ANO1: variants seen among roughly 807,000 people sequenced by gnomAD.
ANO1 encodes anoctamin-1.
A neutral mutation model predicts 124.0 loss-of-function variants in ANO1; 59 were observed. The ratio of observed to expected loss-of-function variants is 0.48; its 90% CI spans 0.39 to 0.59. The LOEUF (loss-of-function observed/expected upper bound fraction) is 0.59. Among genes scored for constraint, ANO1 ranks in the 20% least tolerant of loss-of-function variants. The pLI, the probability that ANO1 is intolerant of heterozygous loss-of-function variation, is 0.00. For missense variants in ANO1, 1,059 were observed against 1,328.0 expected (o/e 0.80, Z 3.15); for synonymous variants, 529 against 532.0 (o/e 0.99, Z 0.08).
At chr11:70,123,668 C>A (rs2046382605) in intron 8 of ANO1, among the ~76,000 whole-genome samples, 1 of 152,218 alleles carries the variant, frequency 6.6e-6, no homozygotes, top group Non-Finnish European at 1.5e-5. Context: ...CTGAATCCTG[C>A]CTTCCCTGAG....
chr11:70,025,563 A>C (rs1185167146), intron 1 of ANO1, among the ~76,000 whole-genome samples: 3 of 151,214 alleles, frequency 2.0e-5, no homozygotes, highest in Non-Finnish European at 4.4e-5. Context: ...GATGACAATG[A>C]TGATGATGAT....
chr11:70,000,327 G>C (rs1273319225), intron 1 of ANO1, among the ~76,000 whole-genome samples: 1 of 151,630 alleles, frequency 6.6e-6, no homozygotes, highest in Non-Finnish European at 1.5e-5. Flanking sequence ...GGGCCGGGGG[G>C]GGATGCACAC....
chr11:70,006,663 CTTTTTTT>C (rs56851839), intron 1 of ANO1, among the ~76,000 whole-genome samples: 2 of 88,996 alleles, frequency 2.2e-5, no homozygotes, highest in South Asian at 4.3e-4. Context: ...TTTCTTCTTT[CTTTTTTT>C]TTTTTTTTTT....
At chr11:70,090,153 G>A (rs911041117) in intron 2 of ANO1, among the ~76,000 whole-genome samples, 13 of 152,202 alleles carry the variant, frequency 8.5e-5, no homozygotes, top group South Asian at 4.1e-4. Flanking sequence ...GACTACAGGC[G>A]CCCGCCGTCA....
intron 1 of ANO1, among the ~76,000 whole-genome samples, chr11:70,036,340 T>G (rs1019232628): frequency 9.2e-5 from 14 of 152,276 alleles, no homozygotes; most frequent in Middle Eastern, 3.4e-3. Flanking sequence ...TCCCTGGATT[T>G]GGGGGTCACT....
chr11:70,090,141 G>A (rs951739262), intron 2 of ANO1, among the ~76,000 whole-genome samples: 6 of 152,048 alleles, frequency 3.9e-5, no homozygotes, highest in African/African-American at 1.2e-4. Flanking sequence ...CTGCCTCAGC[G>A]GGACTACAGG....
chr11:70,149,504 A>T (rs1279073975), intron 11 of ANO1: 1 of 533,202 alleles, frequency 1.9e-6, no homozygotes, highest in Non-Finnish European at 3.4e-6. Flanking sequence ...TACAAAGATT[A>T]GCTGGGTGTG....
rs76163403 is a variant in ANO1, at chr11:70,126,542, C to T, written c.1097+347C>T. 7.1e-3 allele frequency among the ~76,000 whole-genome samples: 1,088 copies of T among 152,286 alleles called. 6 individuals carry two copies. The highest frequency in any genetic ancestry group is 0.017 in the Middle Eastern group (5 of 294). On this transcript the variant is annotated intron_variant, in intron 10 of 25. Coordinates refer to ENST00000355303, the MANE Select transcript of ANO1 (RefSeq NM_018043.7). The stretch of plus-strand genomic sequence containing the variant: ...AAAGTTTTCTGTTTCCTTGTGTGGC[C>T]GGGAGGTGAGGCATGAATGCTAGGG...
chr11:70,106,465 A>C (rs1785751517), intron 5 of ANO1, among the ~76,000 whole-genome samples: 1 of 152,206 alleles, frequency 6.6e-6, no homozygotes, highest in Admixed American at 6.5e-5. Context: ...GGGAGGAGAC[A>C]GTCAGGGTGA....
At chr11:69,994,097 T>C (rs1311789323) in intron 1 of ANO1, among the ~76,000 whole-genome samples, 3 of 43,114 alleles carry the variant, frequency 7.0e-5, no homozygotes, top group African/African-American at 1.5e-4. Context: ...CCCCAATTTG[T>C]CGTTAACCCC....
intron 6 of ANO1, among the ~76,000 whole-genome samples, chr11:70,109,545 T>G (rs763381621): frequency 2.0e-4 from 30 of 152,136 alleles, no homozygotes; most frequent in Admixed American, 3.3e-4. Flanking sequence ...ACGACTGCAG[T>G]GAGGTCAGGC....
intron 22 of ANO1, among the ~76,000 whole-genome samples, chr11:70,178,577 T>G (rs1330781833): frequency 6.6e-6 from 1 of 152,000 alleles, no homozygotes; most frequent in Non-Finnish European, 1.5e-5. Flanking sequence ...TTTTTTTTTT[T>G]TTTTGAGACA....
rs142509394 is a variant in ANO1, at chr11:69,989,240, A to C, written c.58+3074A>C. 5.3e-3 allele frequency among the ~76,000 whole-genome samples: 812 copies of C among 152,284 alleles called. 6 individuals carry two copies. The highest frequency in any genetic ancestry group is 7.8e-3 in the Non-Finnish European group (532 of 68,030). ...AGAGGCAGGATTTGAACTCCAAGCA[A>C]GCAAGCTGTTCATTTAATCATGGTG... On this transcript the variant is annotated intron_variant, in intron 1 of 27. Coordinates refer to the ANO1 transcript ENST00000531349.
At chr11:70,167,182 G>A in intron 20 of ANO1, 60 bp from the exon 21 acceptor site, 1 of 1,589,830 alleles carries the variant, frequency 6.3e-7, no homozygotes, top group Non-Finnish European at 8.6e-7. Flanking sequence ...AGAGGTGCCA[G>A]ACCCAAGCCC....
chr11:70,159,435 A>G (rs1323748838), intron 16 of ANO1, among the ~76,000 whole-genome samples: 1 of 152,216 alleles, frequency 6.6e-6, no homozygotes, highest in Non-Finnish European at 1.5e-5. Flanking sequence ...GATATTGGAT[A>G]GGGAAGTAGC....
chr11:70,028,822 C>T (rs1555003472), intron 1 of ANO1, among the ~76,000 whole-genome samples: 1 of 152,088 alleles, frequency 6.6e-6, no homozygotes, highest in African/African-American at 2.4e-5. Flanking sequence ...TGCTTTGTTG[C>T]CCGGGCTAGA....
intron 12 of ANO1, among the ~76,000 whole-genome samples, chr11:70,151,221 C>T (rs942526444): frequency 1.3e-5 from 2 of 152,268 alleles, no homozygotes; most frequent in Non-Finnish European, 2.9e-5. Context: ...GCCCCATAAA[C>T]GGCTGCCCGG....
At chr11:70,051,187 T>C (rs1248825374) in intron 1 of ANO1, among the ~76,000 whole-genome samples, 1 of 152,066 alleles carries the variant, frequency 6.6e-6, no homozygotes, top group Non-Finnish European at 1.5e-5. Flanking sequence ...CCCCCAGTCA[T>C]TACCCTGCAC....
intron 21 of ANO1, 54 bp from the exon 22 acceptor site, chr11:70,170,833 C>G: frequency 6.4e-7 from 1 of 1,564,616 alleles, no homozygotes; most frequent in Non-Finnish European, 8.7e-7. Flanking sequence ...GTGGAGTCCC[C>G]CCTTATGGGC....
Sources: allele counts gnomAD v4.1 joint callset (sites outside exome capture counted in the v4.1 genomes callset), GRCh38; gene constraint gnomAD v4.1.1; transcripts MANE v1.5; gene names NCBI Gene and HGNC (gene_info 2026-07-23, HGNC 2026-07-21).